HMGN5: variants seen among roughly 807,000 people sequenced by gnomAD.
HMGN5 encodes high mobility group nucleosome binding domain 5, also known as high mobility group nucleosome-binding domain-containing protein 5.
Under a neutral mutation model 9.5 loss-of-function variants are expected in HMGN5, and 4 were observed. The ratio of observed to expected loss-of-function variants is 0.42; its 90% confidence interval spans 0.21 to 0.96. HMGN5 has a LOEUF of 0.96. Ranked by LOEUF, HMGN5 falls within the 40% of genes least tolerant of loss-of-function variation. The pLI, the probability that HMGN5 is intolerant of heterozygous loss-of-function variation, is 0.30. For synonymous variants in HMGN5, 55 were observed against 57.1 expected, an observed-to-expected ratio of 0.96 and a Z score of 0.16; for missense variants, 192 against 187.5, an observed-to-expected ratio of 1.02 and a Z score of -0.14.
intron 1 of HMGN5, among the ~76,000 whole-genome samples, chrX:81,143,808 T>TG (rs2075335834): frequency 9.0e-6 from 1 of 111,611 alleles, no homozygotes. Context: ...TCAAGCTTGG[T>TG]GGGGGGAGGA....
At chrX:81,140,539 G>A (rs1454404336) in intron 1 of HMGN5, among the ~76,000 whole-genome samples, 4 of 85,967 alleles carry the variant, frequency 4.7e-5, no homozygotes, top group African/African-American at 9.2e-5. Context: ...CAGCCTTGGC[G>A]ACAGAGCGAG....
chrX:81,161,563 G>A (rs1325463895), intron 1 of HMGN5, among the ~76,000 whole-genome samples: 1 of 111,041 alleles, frequency 9.0e-6, no homozygotes, highest in East Asian at 2.8e-4. Context: ...TAAGTAGAGT[G>A]CTGTTATAAG....
rs1380561536 is a variant in HMGN5 at position 81,182,116 on chromosome X, C to T, written c.-124+19621G>A. Among the ~76,000 whole-genome samples, 4 of 111,517 alleles carry T rather than the reference C, an allele frequency of 3.6e-5. No homozygotes were observed. In the South Asian group the frequency reaches 1.5e-3, roughly 42 times the overall value. On this transcript the variant is annotated intron_variant, in intron 1 of 6. Transcript: ENST00000358130. ...ACATCCTTGCCAGCATCTGTTATTGCCGGTCTTTGGATAAAAGCCATTTTA... is the reference window on the plus strand; with the variant it reads ...ACATCCTTGCCAGCATCTGTTATTGTCGGTCTTTGGATAAAAGCCATTTTA...
chrX:81,118,764 A>G lies in HMGN5; in HGVS notation c.46-5T>C. 8.5e-7 allele frequency: 1 copy of G among 1,173,020 alleles called. No individual in the cohort carries two copies. The highest frequency in any genetic ancestry group is 1.2e-6 in the Non-Finnish European group (1 of 866,695). The stretch of plus-strand genomic sequence containing the variant: ...CCTGGCAGATCTTCTCTTTGGCTAT[A>G]AGTTAAAAACAAAAATCTGTTAAGA... On this transcript the variant is annotated splice_region_variant and splice_polypyrimidine_tract_variant and intron_variant, in intron 3 of 6. Coordinates refer to ENST00000358130, the MANE Select transcript of HMGN5 (RefSeq NM_030763.3).
intron 1 of HMGN5, among the ~76,000 whole-genome samples, chrX:81,168,152 CT>C (rs2075416114): frequency 8.9e-6 from 1 of 112,234 alleles, no homozygotes; most frequent in East Asian, 2.8e-4. Context: ...AAATGCTTCT[CT>C]CTCTATAGGC....
At chrX:81,158,756 T>C (rs1025151371) in intron 1 of HMGN5, among the ~76,000 whole-genome samples, 1 of 112,119 alleles carries the variant, frequency 8.9e-6, no homozygotes, top group Non-Finnish European at 1.9e-5. Context: ...ATGTCCTGAA[T>C]GGTATTGCCT....
chrX:81,183,077 G>A lies in HMGN5; in HGVS notation c.-124+18660C>T, dbSNP rs2075467335. On this transcript the variant is annotated intron_variant, in intron 1 of 6. Transcript: ENST00000358130. ...TCACTTCTGTTATGAGATGATTTAG[G>A]GTATCTGATGGAAGAAATTTCTAAG... 2.7e-5 allele frequency among the ~76,000 whole-genome samples: 3 copies of A among 111,617 alleles called. No homozygotes were observed. The South Asian group carries it at 1.1e-3, about 42-fold the overall frequency.
Position 81,118,763 on chromosome X carries a change from T to C in HMGN5, c.46-4A>G. On this transcript the variant is annotated splice_region_variant and splice_polypyrimidine_tract_variant and intron_variant, in intron 3 of 6. Coordinates refer to ENST00000358130, the MANE Select transcript of HMGN5 (RefSeq NM_030763.3). The stretch of plus-strand genomic sequence containing the variant: ...ACCTGGCAGATCTTCTCTTTGGCTA[T>C]AAGTTAAAAACAAAAATCTGTTAAG... The C allele has an allele frequency of 1.7e-6, 2 of 1,176,032 alleles. No individual in the cohort carries two copies. Among genetic ancestry groups the C allele is most frequent in the Non-Finnish European group, 1.2e-6 (1 of 869,421 alleles).
At chrX:81,192,230 T>C (rs776419368) in intron 1 of HMGN5, among the ~76,000 whole-genome samples, 4 of 111,861 alleles carry the variant, frequency 3.6e-5, no homozygotes, top group South Asian at 3.7e-4. Flanking sequence ...TTTCAAGAGA[T>C]GAGATTGGCC....
rs769164856 is a variant in HMGN5, at chrX:81,139,091, C to T, written c.-123-17419G>A. On this transcript the variant is annotated intron_variant, in intron 1 of 6. Coordinates refer to ENST00000358130, the MANE Select transcript of HMGN5 (RefSeq NM_030763.3). ...ATGTAATTCTTATTAAAATTTCAAG[C>T]TTTTGTAGACATAGACATAAACATA... 3.6e-5 allele frequency among the ~76,000 whole-genome samples: 4 copies of T among 111,951 alleles called. No individual in the cohort carries two copies. In the South Asian group the frequency reaches 1.5e-3, roughly 41 times the overall value.
chrX:81,140,171 G>T (rs188410900), intron 1 of HMGN5, among the ~76,000 whole-genome samples: 1 of 111,585 alleles, frequency 9.0e-6, no homozygotes, highest in Non-Finnish European at 1.9e-5. Context: ...CAGCAGGAAA[G>T]GGCACCAGAG....
chrX:81,143,421 C>A (rs193114484), intron 1 of HMGN5, among the ~76,000 whole-genome samples: 1 of 112,186 alleles, frequency 8.9e-6, no homozygotes. Flanking sequence ...CAGTTCCCAG[C>A]GAGATTGATG....
chrX:81,118,668 T>C, intron 4 of HMGN5, 62 bp downstream of exon 4: 1 of 989,401 alleles, frequency 1.0e-6, no homozygotes, highest in Non-Finnish European at 1.4e-6. Context: ...TATTTTAGGA[T>C]TCCCTAAATT....
intron 1 of HMGN5, among the ~76,000 whole-genome samples, chrX:81,163,535 G>A (rs1475533391): frequency 1.8e-5 from 2 of 111,679 alleles, no homozygotes; most frequent in African/African-American, 6.5e-5. Flanking sequence ...TTGATGATTT[G>A]TTTGTTTTAG....
intron 1 of HMGN5, among the ~76,000 whole-genome samples, chrX:81,158,718 T>C (rs757018209): frequency 4.4e-4 from 49 of 112,190 alleles, no homozygotes; most frequent in African/African-American, 1.6e-3. Flanking sequence ...CTTTTGGAGT[T>C]TTCGTCATGA....
chrX:81,168,514 G>A (rs1224698661), intron 1 of HMGN5, among the ~76,000 whole-genome samples: 1 of 111,705 alleles, frequency 9.0e-6, no homozygotes, highest in Non-Finnish European at 1.9e-5. Flanking sequence ...ATGTGGGTAA[G>A]TGAAGTGAGA....
At chrX:81,123,524 T>C (rs983543046) in intron 1 of HMGN5, among the ~76,000 whole-genome samples, 1 of 111,825 alleles carries the variant, frequency 8.9e-6, no homozygotes, top group African/African-American at 3.2e-5. Flanking sequence ...AGCATAAAAA[T>C]TGATTTTAAT....
At chrX:81,151,088 G>A (rs1282343145) in intron 1 of HMGN5, among the ~76,000 whole-genome samples, 1 of 111,440 alleles carries the variant, frequency 9.0e-6, no homozygotes, top group Non-Finnish European at 1.9e-5. Context: ...GAGGCACAAG[G>A]AATACTTCCA....
intron 1 of HMGN5, among the ~76,000 whole-genome samples, chrX:81,197,090 AT>A (rs1792579018): frequency 8.9e-6 from 1 of 112,474 alleles, no homozygotes; most frequent in East Asian, 2.8e-4. Context: ...TGTATCAAAC[AT>A]AAAAATGCAA....
Sources: gnomAD v4.1 joint callset for allele counts (sites outside exome capture counted in the v4.1 genomes callset) on GRCh38, gnomAD v4.1.1 for gene constraint, MANE v1.5 for transcripts, NCBI Gene and HGNC (gene_info 2026-07-23, HGNC 2026-07-21) for gene names.